Variants in RPGRIP1L observed in about 807,000 individuals in gnomAD.
The protein encoded by RPGRIP1L is RPGRIP1 like.
In RPGRIP1L, 131 loss-of-function variants were observed where a neutral mutation model predicts 160.4. The observed-to-expected ratio is 0.82, with a 90% CI of 0.71 to 0.94. RPGRIP1L has a LOEUF of 0.94. Ranked by LOEUF, RPGRIP1L falls within the 40% of genes least tolerant of loss-of-function variation. RPGRIP1L has a pLI of 0.00. For missense variants in RPGRIP1L, 1,522 were observed against 1,535.8 expected, an observed-to-expected ratio of 0.99 and a Z score of 0.15; for synonymous variants, 510 against 515.8, an observed-to-expected ratio of 0.99 and a Z score of 0.15.
At chr16:53,656,996 C>T (rs566060437) in intron 13 of RPGRIP1L, among the ~76,000 whole-genome samples, 1 of 152,254 alleles carries the variant, frequency 6.6e-6, no homozygotes, top group African/African-American at 2.4e-5. Flanking sequence ...AATCCCAGCA[C>T]TTTGGGAGGC....
intron 19 of RPGRIP1L, 61 bp downstream of exon 19, chr16:53,640,972 A>G (rs1427468725): frequency 5.2e-6 from 6 of 1,160,738 alleles, no homozygotes; most frequent in Non-Finnish European, 7.7e-6. Context: ...TAATATGCCT[A>G]TATAATTTAT....
chr16:53,686,835 GTATT>G (rs1409042480), intron 5 of RPGRIP1L, among the ~76,000 whole-genome samples: 1 of 152,184 alleles, frequency 6.6e-6, no homozygotes, highest in Non-Finnish European at 1.5e-5. Context: ...AATTGAGTAA[GTATT>G]TATTGTGGAG....
At chr16:53,624,341 A>T (rs1188216971) in intron 22 of RPGRIP1L, among the ~76,000 whole-genome samples, 2 of 152,208 alleles carry the variant, frequency 1.3e-5, no homozygotes, top group African/African-American at 4.8e-5. Context: ...TCATGAGGTC[A>T]GGAGATCGAG....
rs1283925301 is a variant in RPGRIP1L at position 53,680,693 on chromosome 16, T to C, written c.777-5571A>G. ...TCTGAATGTGATAGCTGTATTGTGG[T>C]TATGTAGGAGGATGTCCTTGTTCCT... On this transcript the variant is annotated intron_variant, in intron 6 of 26. Transcript: ENST00000647211. Among the ~76,000 whole-genome samples the C allele has an allele frequency of 2.0e-5, 3 of 152,166 alleles. No homozygotes were observed. The East Asian group carries it at 5.8e-4, about 29-fold the overall frequency.
intron 25 of RPGRIP1L, among the ~76,000 whole-genome samples, chr16:53,608,676 C>T (rs1042433760): frequency 1.3e-5 from 2 of 152,150 alleles, no homozygotes; most frequent in African/African-American, 2.4e-5. Flanking sequence ...CTCTAACTGT[C>T]GCTTTGTAGG....
Position 53,663,409 on chromosome 16 carries a change from T to A in RPGRIP1L, c.1243+1461A>T, listed in dbSNP as rs556905893. Reference sequence around the variant, plus strand: ...AAGATAACAGCTTTAGGATTCTTGATATCTAAGTAAACACAGAAAGCACAG... The same window carrying A: ...AAGATAACAGCTTTAGGATTCTTGAAATCTAAGTAAACACAGAAAGCACAG... On this transcript the variant is annotated intron_variant, in intron 10 of 26. Transcript: ENST00000647211. 5.1e-4 allele frequency among the ~76,000 whole-genome samples: 77 copies of A among 152,206 alleles called. 1 individual carries two copies. The highest frequency in any genetic ancestry group is 5.9e-4 in the Admixed American group (9 of 15,278).
At chr16:53,663,913 T>A (rs181066985) in intron 10 of RPGRIP1L, among the ~76,000 whole-genome samples, 1 of 152,178 alleles carries the variant, frequency 6.6e-6, no homozygotes, top group Non-Finnish European at 1.5e-5. Flanking sequence ...TATGAAAAGA[T>A]AATGTTCCTT....
intron 6 of RPGRIP1L, among the ~76,000 whole-genome samples, chr16:53,676,443 T>G (rs1016289043): frequency 1.3e-5 from 2 of 151,992 alleles, no homozygotes; most frequent in African/African-American, 4.8e-5. Flanking sequence ...AAAGAAAATA[T>G]TCTTTTTTTC....
chr16:53,648,169 A>G (rs1966693148), intron 16 of RPGRIP1L, among the ~76,000 whole-genome samples: 2 of 151,610 alleles, frequency 1.3e-5, no homozygotes, highest in African/African-American at 2.4e-5. Context: ...AAAGAATCCT[A>G]TTTAACCTTG....
chr16:53,680,219 A>C (rs1293106156), intron 6 of RPGRIP1L, among the ~76,000 whole-genome samples: 2 of 152,174 alleles, frequency 1.3e-5, no homozygotes, highest in Non-Finnish European at 2.9e-5. Context: ...TCAGTGTGAA[A>C]ATTTTCATTG....
chr16:53,631,363 G>C (rs939731416), intron 22 of RPGRIP1L, among the ~76,000 whole-genome samples: 3 of 152,166 alleles, frequency 2.0e-5, no homozygotes, highest in African/African-American at 7.2e-5. Flanking sequence ...AACAGAGAAA[G>C]AGAATGATGT....
Position 53,637,721 on chromosome 16 carries a change from T to C in RPGRIP1L, c.3194A>G (p.Glu1065Gly). The C allele has an allele frequency of 6.2e-7, 1 of 1,611,018 alleles. No homozygotes were observed. Among genetic ancestry groups the C allele is most frequent in the Non-Finnish European group, 8.5e-7 (1 of 1,179,754 alleles). Residue 1065 changes from glutamate (E) to glycine (G), a missense_variant, in exon 21 of 27, where the codon GAA (glutamate) becomes GGA (glycine). By Grantham distance (98) the Glu-to-Gly change is moderately conservative (BLOSUM62 -2). Coordinates refer to ENST00000647211, the MANE Select transcript of RPGRIP1L (RefSeq NM_015272.5). Reference sequence around the variant, plus strand: ...TTCTGGTTCCAAGTCCTCTGTTATTTCTGTTTCATCTTCAGAAGATGCCAA... The same window carrying C: ...TTCTGGTTCCAAGTCCTCTGTTATTCCTGTTTCATCTTCAGAAGATGCCAA... ...QSLASSEDET[E>G]ITEDLEPEVE...
At chr16:53,658,622 T>C in intron 11 of RPGRIP1L, 150 bp downstream of exon 11, 1 of 835,482 alleles carries the variant, frequency 1.2e-6, no homozygotes, top group South Asian at 1.5e-5. Context: ...AATGTCCCTA[T>C]GGAACATAAA....
chr16:53,696,703 G>T (rs1970788236), intron 2 of RPGRIP1L, among the ~76,000 whole-genome samples: 1 of 152,032 alleles, frequency 6.6e-6, no homozygotes, highest in Admixed American at 6.6e-5. Context: ...ATATAACTAA[G>T]ATATTTTTCT....
At chr16:53,639,651 C>T (rs1966078584) in intron 19 of RPGRIP1L, among the ~76,000 whole-genome samples, 2 of 152,090 alleles carry the variant, frequency 1.3e-5, no homozygotes, top group African/African-American at 4.8e-5. Flanking sequence ...AGTTCTAATA[C>T]TTGGGCCATG....
intron 2 of RPGRIP1L, among the ~76,000 whole-genome samples, chr16:53,699,095 A>G (rs1286540488): frequency 6.6e-6 from 1 of 152,088 alleles, no homozygotes; most frequent in Non-Finnish European, 1.5e-5. Flanking sequence ...TTACCCCGCA[A>G]CCCTGTGCTC....
intron 25 of RPGRIP1L, among the ~76,000 whole-genome samples, chr16:53,610,350 T>G (rs1014852573): frequency 1.3e-5 from 2 of 152,188 alleles, no homozygotes; most frequent in African/African-American, 4.8e-5. Context: ...GATGGCTTAT[T>G]AAACAGTGAT....
In RPGRIP1L at chr16:53,605,471, T is replaced by C; in HGVS notation, c.3835+10A>G. The C allele has an allele frequency of 1.2e-6, 2 of 1,614,180 alleles. No homozygotes were observed. Among genetic ancestry groups the C allele is most frequent in the Non-Finnish European group, 1.7e-6 (2 of 1,179,996 alleles). On this transcript the variant is annotated intron_variant, in intron 26 of 26. Transcript: ENST00000647211. ...TGGTTGCACAAACTGAGCAACACTT[T>C]CACCCATACCATCGATATTTTGCTC... is the stretch of plus-strand genomic sequence containing the variant.
intron 11 of RPGRIP1L, 145 bp downstream of exon 11, chr16:53,658,627 C>A: frequency 1.2e-6 from 1 of 836,446 alleles, no homozygotes; most frequent in Non-Finnish European, 2.0e-6. Context: ...CCCTATGGAA[C>A]ATAAACTACC....
Sources: allele counts gnomAD v4.1 joint callset (sites outside exome capture counted in the v4.1 genomes callset), GRCh38; gene constraint gnomAD v4.1.1; transcripts MANE v1.5; gene names NCBI Gene and HGNC (gene_info 2026-07-23, HGNC 2026-07-21).